ACSS3: variants seen among roughly 807,000 people sequenced by gnomAD.
ACSS3 encodes the protein acyl-CoA synthetase short chain family member 3, also known as acyl-CoA synthetase short-chain family member 3, mitochondrial.
A neutral mutation model predicts 84.2 loss-of-function variants in ACSS3; 64 were observed. The observed-to-expected ratio is 0.76, with a 90% CI of 0.62 to 0.94. ACSS3 has a LOEUF of 0.94. Ranked by LOEUF, ACSS3 falls within the 40% of genes least tolerant of loss-of-function variation. The pLI is 0.00. For missense variants in ACSS3, 815 were observed against 867.6 expected (o/e 0.94, Z 0.76); for synonymous variants, 317 against 310.1 (o/e 1.02, Z -0.23).
chr12:81,201,927 C>A (rs1292677475), intron 9 of ACSS3, among the ~76,000 whole-genome samples: 1 of 151,992 alleles, frequency 6.6e-6, no homozygotes, highest in Non-Finnish European at 1.5e-5. Flanking sequence ...TATACGTTTG[C>A]ATAGAAAAAA....
At chr12:81,170,112 A>G (rs547316274) in intron 7 of ACSS3, among the ~76,000 whole-genome samples, 54 of 152,298 alleles carry the variant, frequency 3.5e-4, no homozygotes, top group Admixed American at 7.2e-4. Flanking sequence ...AGGATTAATC[A>G]TAGGATTAAT....
intron 11 of ACSS3, among the ~76,000 whole-genome samples, chr12:81,227,613 A>G (rs2033315049): frequency 6.6e-6 from 1 of 151,936 alleles, no homozygotes; most frequent in Non-Finnish European, 1.5e-5. Context: ...TACGTTGGTC[A>G]CACAGCATGA....
intron 12 of ACSS3, among the ~76,000 whole-genome samples, chr12:81,231,357 T>C (rs2033459295): frequency 6.6e-6 from 1 of 151,820 alleles, no homozygotes; most frequent in African/African-American, 2.4e-5. Context: ...AGAAATTTAT[T>C]GGTTTTTCTT....
chr12:81,198,116 A>G (rs2031921777), intron 8 of ACSS3, among the ~76,000 whole-genome samples: 1 of 152,202 alleles, frequency 6.6e-6, no homozygotes, highest in Non-Finnish European at 1.5e-5. Context: ...TAAGAAACCA[A>G]CATGACTCTT....
At position 81,134,842 on chromosome 12, in the gene ACSS3, C is replaced by G; in HGVS notation, c.483C>G (p.Val161=). ...EQVSKLAGVL[V]KHGIKKGDTV... ...TCTCCAAGCTGGCTGGTGTCTTGGT[C>G]AAGCATGGCATCAAGAAAGGTGACA... The change falls in exon 3 of 16, where the codon GTC becomes GTG. Residue 161 remains valine, a synonymous_variant. Transcript: ENST00000548058. 6.3e-7 allele frequency: 1 copy of G among 1,577,468 alleles called. No homozygotes were observed. Among genetic ancestry groups the G allele is most frequent in the Non-Finnish European group, 8.6e-7 (1 of 1,158,424 alleles).
At chr12:81,188,403 A>G (rs2135864116) in intron 8 of ACSS3, among the ~76,000 whole-genome samples, 1 of 152,194 alleles carries the variant, frequency 6.6e-6, no homozygotes, top group Non-Finnish European at 1.5e-5. Flanking sequence ...CATAAATCAG[A>G]ATTTTAAAAG....
Position 81,169,613 on chromosome 12 carries a change from T to G in ACSS3, c.1099-5175T>G, listed in dbSNP as rs903162348. Among the ~76,000 whole-genome samples, 3 of 152,300 alleles carry G rather than the reference T, an allele frequency of 2.0e-5. No individual in the cohort carries two copies. In the South Asian group the frequency reaches 6.2e-4, roughly 32 times the overall value. On this transcript the variant is annotated intron_variant, in intron 7 of 15. Transcript: ENST00000548058. ...TTAATTCATATATGAGCAATGTCTT[T>G]TATTGTTTTTTAATACAAATGGAAT...
chr12:81,236,037 C>T lies in ACSS3; in HGVS notation c.1719+2566C>T, dbSNP rs11114799. On this transcript the variant is annotated intron_variant, in intron 13 of 15. Coordinates refer to ENST00000548058, the MANE Select transcript of ACSS3 (RefSeq NM_024560.4). ...AACAAGACTGGTAAGAGCAGACACC[C>T]TTGTCTTGATCCTGATCTTAGGGTA... 2.7e-3 allele frequency among the ~76,000 whole-genome samples: 413 copies of T among 151,490 alleles called. 5 individuals carry two copies. The highest frequency in any genetic ancestry group is 9.3e-3 in the African/African-American group (385 of 41,466).
At position 81,088,703 on chromosome 12, in the gene ACSS3, A is replaced by G. The variant is rs967769614; in HGVS notation, c.311+10272A>G. Among the ~76,000 whole-genome samples the G allele has an allele frequency of 3.9e-5, 6 of 152,198 alleles. 1 individual carries two copies. Among genetic ancestry groups the G allele is most frequent in the Middle Eastern group, 6.8e-3 (2 of 294 alleles). On this transcript the variant is annotated intron_variant, in intron 1 of 15. Coordinates refer to ENST00000548058, the MANE Select transcript of ACSS3 (RefSeq NM_024560.4). ...TAAGATTTCAACCCAGGCTGGCTGA[A>G]TTTAGCATCTGTGCTCCTAAATATA...
chr12:81,103,413 A>G (rs778713526), intron 1 of ACSS3, among the ~76,000 whole-genome samples: 6 of 152,216 alleles, frequency 3.9e-5, no homozygotes, highest in Non-Finnish European at 8.8e-5. Flanking sequence ...CATTCAATTG[A>G]CCTTTACTGG....
chr12:81,145,067 A>ATTTTTTTTTTTTT (rs35753293), intron 5 of ACSS3, among the ~76,000 whole-genome samples: 19 of 100,906 alleles, frequency 1.9e-4, no homozygotes, highest in East Asian at 3.0e-4. Context: ...CGCCTGGCTA[A>ATTTTTTTTTTTTT]TTTTTTTTTT....
chr12:81,143,368 T>G (rs911918148), intron 5 of ACSS3, 121 bp downstream of exon 5: 1 of 1,137,886 alleles, frequency 8.8e-7, no homozygotes, highest in Non-Finnish European at 1.2e-6. Context: ...TTACTTCATT[T>G]GCTTTTATTT....
At chr12:81,112,582 T>C (rs1883692277) in intron 2 of ACSS3, among the ~76,000 whole-genome samples, 1 of 152,194 alleles carries the variant, frequency 6.6e-6, no homozygotes, top group African/African-American at 2.4e-5. Flanking sequence ...TGACAGCCTC[T>C]GATTCCCCAG....
intron 2 of ACSS3, 116 bp downstream of exon 2, chr12:81,109,820 C>T (rs1883422394): frequency 1.1e-6 from 1 of 891,988 alleles, no homozygotes; most frequent in African/African-American, 1.7e-5. Flanking sequence ...TGTTGCCATG[C>T]TTTTCTTTTG....
At chr12:81,231,207 A>C in intron 12 of ACSS3, 69 bp downstream of exon 12, 1 of 1,276,990 alleles carries the variant, frequency 7.8e-7, no homozygotes, top group Non-Finnish European at 1.1e-6. Context: ...TTAAATTGAG[A>C]AACTTGCTCC....
chr12:81,154,565 A>G (rs11835394), intron 7 of ACSS3, among the ~76,000 whole-genome samples: 2,651 of 152,286 alleles, frequency 0.017, 80 homozygotes, highest in African/African-American at 0.06. Flanking sequence ...TGCTTCAACT[A>G]TGCCATCTTT....
chr12:81,097,098 A>G (rs1031890885), intron 1 of ACSS3, among the ~76,000 whole-genome samples: 1 of 152,204 alleles, frequency 6.6e-6, no homozygotes, highest in African/African-American at 2.4e-5. Context: ...TAGTTAATTT[A>G]AATTTAAATT....
At chr12:81,153,921 A>G (rs1394711845) in intron 7 of ACSS3, among the ~76,000 whole-genome samples, 1 of 152,214 alleles carries the variant, frequency 6.6e-6, no homozygotes, top group Non-Finnish European at 1.5e-5. Flanking sequence ...GTATTAAACC[A>G]TCATATACTA....
At chr12:81,224,575 T>C (rs7965256) in intron 11 of ACSS3, among the ~76,000 whole-genome samples, 141 of 19,776 alleles carry the variant, frequency 7.1e-3, no homozygotes, top group South Asian at 0.034. Context: ...CACACACACA[T>C]GTGTGTGTGT....
Sources: gnomAD v4.1 joint callset for allele counts (sites outside exome capture counted in the v4.1 genomes callset) on GRCh38, gnomAD v4.1.1 for gene constraint, MANE v1.5 for transcripts, NCBI Gene and HGNC (gene_info 2026-07-23, HGNC 2026-07-21) for gene names.